The following B3GALT5 variants were observed in gnomAD, a reference collection of about 807,000 sequenced individuals.
The protein encoded by B3GALT5 is UDP-Gal:betaGlcNAc beta 1,3-galactosyltransferase, polypeptide 5.
For synonymous variants in B3GALT5, 156 were observed against 158.6 expected, an observed-to-expected ratio of 0.98 and a Z score of 0.12; for missense variants, 328 against 396.6, an observed-to-expected ratio of 0.83 and a Z score of 1.47.
intron 1 of B3GALT5, among the ~76,000 whole-genome samples, chr21:39,640,550 C>T (rs1229465418): frequency 6.6e-6 from 1 of 152,130 alleles, no homozygotes; most frequent in East Asian, 1.9e-4. Flanking sequence ...TGGGCCTATC[C>T]TTAAAAGTTC....
Position 39,661,129 on chromosome 21 carries a change from C to T in B3GALT5, c.570C>T (p.Pro190=), listed in dbSNP as rs1437646445. 4 of 1,613,894 alleles carry T rather than the reference C, an allele frequency of 2.5e-6. No homozygotes were observed. Among genetic ancestry groups the T allele is most frequent in the African/African-American group, 1.3e-5 (1 of 74,914 alleles). Residue 190 remains proline, a synonymous_variant, in exon 4 of 4, where the codon CCC becomes CCT. Coordinates refer to ENST00000684187, the MANE Select transcript of B3GALT5 (RefSeq NM_001356336.2). This position sits in a 1 kb window ranked among gnomAD's most constrained non-coding sequence, Gnocchi z 4.7. The stretch of plus-strand genomic sequence containing the variant: ...GCTTCTTGAAACTCAATGAGTTTCC[C>T]ATCAGGCAGCCATTCAGCAAGTGGT... The part of the protein sequence containing the change: ...FTGFLKLNEF[P]IRQPFSKWFV...
At chr21:39,622,874 A>C (rs2079141082) in intron 1 of B3GALT5, among the ~76,000 whole-genome samples, 1 of 149,990 alleles carries the variant, frequency 6.7e-6, no homozygotes. Flanking sequence ...CAGACTGTAG[A>C]CTGTATATAT....
At position 39,672,292 on chromosome 21, in the gene B3GALT5, A is replaced by T. The variant is rs1443555558; in HGVS notation, c.*10800A>T. ...TACTTGGTTCAATTCGGCTCCAGAG[A>T]GTATCAGATGGGAAATAGATGACTT... On this transcript the variant is annotated 3_prime_UTR_variant, in exon 4 of 4. Transcript: ENST00000684187. The T allele has an allele frequency of 6.6e-6, 1 of 152,226 alleles. No individual in the cohort carries two copies. The highest frequency in any genetic ancestry group is 2.4e-5 in the African/African-American group (1 of 41,464). 9.4% of individuals were successfully genotyped at this position (152,226 alleles called of 1,614,324 possible).
intron 1 of B3GALT5, among the ~76,000 whole-genome samples, chr21:39,636,562 G>T (rs1602268522): frequency 6.6e-6 from 1 of 152,152 alleles, no homozygotes; most frequent in African/African-American, 2.4e-5. Context: ...GCATTCACAG[G>T]AGACAGGCTC....
chr21:39,651,068 G>T (rs545847084), intron 2 of B3GALT5, among the ~76,000 whole-genome samples: 4 of 152,114 alleles, frequency 2.6e-5, no homozygotes, highest in Non-Finnish European at 5.9e-5. Flanking sequence ...AAGTGTGACG[G>T]TCACTCAGCT....
chr21:39,651,734 C>T (rs889171686), intron 2 of B3GALT5, among the ~76,000 whole-genome samples: 1 of 151,790 alleles, frequency 6.6e-6, no homozygotes, highest in Non-Finnish European at 1.5e-5. Context: ...TGGACATCTC[C>T]AAATACCGGC....
At chr21:39,647,182 A>G (rs1335114196) in intron 2 of B3GALT5, among the ~76,000 whole-genome samples, 1 of 152,246 alleles carries the variant, frequency 6.6e-6, no homozygotes, top group East Asian at 1.9e-4. Context: ...AGGCAGAGGA[A>G]GTCCCTTGGA....
chr21:39,632,553 G>A (rs994873722), intron 1 of B3GALT5, among the ~76,000 whole-genome samples: 2 of 152,300 alleles, frequency 1.3e-5, no homozygotes, highest in Non-Finnish European at 2.9e-5. Context: ...ATTTTATTTT[G>A]TGTTAACAAA....
In B3GALT5 at chr21:39,658,549, CA is replaced by C. The variant is rs1267040503; in HGVS notation, c.-160-1203del. 4.6e-5 allele frequency among the ~76,000 whole-genome samples: 7 copies of C among 152,032 alleles called. No individual in the cohort carries two copies. In the East Asian group the frequency reaches 1.2e-3, roughly 25 times the overall value. ...AAAGCAGTCCCCCAACCCCCCTAAT[CA>C]GCTGCATATCTTAGCCATGCAAATA... On this transcript the variant is annotated intron_variant, in intron 2 of 3. Coordinates refer to ENST00000684187, the MANE Select transcript of B3GALT5 (RefSeq NM_001356336.2).
chr21:39,653,074 C>A (rs993098992), intron 2 of B3GALT5, among the ~76,000 whole-genome samples: 1 of 152,124 alleles, frequency 6.6e-6, no homozygotes, highest in Non-Finnish European at 1.5e-5. Flanking sequence ...AGAATGTATT[C>A]GTCTCTCCAG....
At chr21:39,640,148 C>T (rs886811512) in intron 1 of B3GALT5, among the ~76,000 whole-genome samples, 4 of 152,074 alleles carry the variant, frequency 2.6e-5, no homozygotes, top group Non-Finnish European at 4.4e-5. Flanking sequence ...GTAAATAACT[C>T]GCCTGAGCTC....
chr21:39,663,177 T>A lies in B3GALT5; in HGVS notation c.*1685T>A, dbSNP rs1415693332. 6.6e-6 allele frequency: 1 copy of A among 152,326 alleles called. No homozygotes were observed. Among genetic ancestry groups the A allele is most frequent in the African/African-American group, 2.4e-5 (1 of 41,446 alleles). 9.4% of individuals were successfully genotyped at this position (152,326 alleles called of 1,614,324 possible). On this transcript the variant is annotated 3_prime_UTR_variant, in exon 4 of 4. Coordinates refer to ENST00000684187, the MANE Select transcript of B3GALT5 (RefSeq NM_001356336.2). ...GGCCGCCTCTCATTCTGAAGATGACTGTGCTTTGAGGGAGAAGTCGTCTGT... is the reference window on the plus strand; with the variant it reads ...GGCCGCCTCTCATTCTGAAGATGACAGTGCTTTGAGGGAGAAGTCGTCTGT...
intron 2 of B3GALT5, chr21:39,657,859 G>C (rs1199149797): frequency 1.6e-6 from 2 of 1,231,684 alleles, no homozygotes; most frequent in African/African-American, 3.1e-5. Flanking sequence ...TGGCTGGTCA[G>C]GCCATACAGC....
chr21:39,639,302 C>CT (rs1235554673), intron 1 of B3GALT5, among the ~76,000 whole-genome samples: 1 of 76,730 alleles, frequency 1.3e-5, no homozygotes, highest in Non-Finnish European at 2.6e-5. Context: ...TTCTTTCTTT[C>CT]TTTCTTTCTT....
chr21:39,639,097 C>T lies in B3GALT5; in HGVS notation c.-391-7295C>T, dbSNP rs1602271531. Among the ~76,000 whole-genome samples the T allele has an allele frequency of 2.6e-5, 4 of 152,178 alleles. No homozygotes were observed. The South Asian group carries it at 6.2e-4, about 24-fold the overall frequency. On this transcript the variant is annotated intron_variant, in intron 1 of 3. Coordinates refer to ENST00000684187, the MANE Select transcript of B3GALT5 (RefSeq NM_001356336.2). ...CATATTACCACGAAAGGAAGGTCCA[C>T]GTTAATTTCTGCCATGTAGACGGAA...
intron 1 of B3GALT5, among the ~76,000 whole-genome samples, chr21:39,623,129 TCCTTCCTCCCTC>T (rs1180875476): frequency 2.8e-5 from 4 of 144,146 alleles, no homozygotes; most frequent in Non-Finnish European, 4.6e-5. Flanking sequence ...CTTCTTTCCT[TCCTTCCTCCCTC>T]CCTTCCTCCC....
At chr21:39,652,946 T>G (rs571552956) in intron 2 of B3GALT5, among the ~76,000 whole-genome samples, 1 of 152,356 alleles carries the variant, frequency 6.6e-6, no homozygotes, top group African/African-American at 2.4e-5. Context: ...ATTAAACTTA[T>G]TTAAAAATAT....
intron 2 of B3GALT5, among the ~76,000 whole-genome samples, chr21:39,649,293 C>G (rs2079371890): frequency 6.6e-6 from 1 of 152,190 alleles, no homozygotes; most frequent in African/African-American, 2.4e-5. Context: ...CTCCTCTAGG[C>G]CATTCTGAGC....
intron 1 of B3GALT5, among the ~76,000 whole-genome samples, chr21:39,627,913 A>T (rs562044988): frequency 6.6e-6 from 1 of 152,228 alleles, no homozygotes; most frequent in Non-Finnish European, 1.5e-5. Context: ...TACTGGTATT[A>T]TAACTATATG....
Sources: allele counts gnomAD v4.1 joint callset (sites outside exome capture counted in the v4.1 genomes callset), GRCh38; gene constraint gnomAD v4.1.1; non-coding constraint Gnocchi (gnomAD v3.1); transcripts MANE v1.5; gene names NCBI Gene and HGNC (gene_info 2026-07-23, HGNC 2026-07-21).